ARSG: variants seen among roughly 807,000 people sequenced by gnomAD.
ARSG encodes arylsulfatase G.
Under a neutral mutation model 50.5 loss-of-function variants are expected in ARSG, and 37 were observed. The observed-to-expected ratio is 0.73, with a 90% CI of 0.56 to 0.96. The LOEUF (loss-of-function observed/expected upper bound fraction) is 0.96, where lower values mean the gene tolerates loss of function less well. ARSG is among the 50% of genes least tolerant of loss of function. The pLI is 0.00. For missense variants in ARSG, 629 were observed against 675.3 expected (o/e 0.93, Z 0.76); for synonymous variants, 225 against 254.6 (o/e 0.88, Z 1.11).
At chr17:68,259,670 A>C (rs1208661302) in intron 1 of ARSG, among the ~76,000 whole-genome samples, 1 of 152,198 alleles carries the variant, frequency 6.6e-6, no homozygotes, top group Non-Finnish European at 1.5e-5. Context: ...ATTTCAATCA[A>C]TATCAATGCT....
rs566494078 is a variant in ARSG at position 68,281,245 on chromosome 17, CA to C, written c.-552+21826del. Among the ~76,000 whole-genome samples the C allele has an allele frequency of 6.6e-5, 10 of 151,966 alleles. No individual in the cohort carries two copies. The East Asian group carries it at 1.7e-3, about 26-fold the overall frequency. ...ACAAGGAACTCAAACATCTTAACAG[CA>C]AAAAAACTCCCCAACAATCTGGCTT... On this transcript the variant is annotated intron_variant, in intron 1 of 11. Transcript: ENST00000448504.
At chr17:68,356,523 C>G (rs2079039136) in intron 5 of ARSG, 144 bp from the exon 6 acceptor site, 2 of 885,318 alleles carry the variant, frequency 2.3e-6, no homozygotes, top group Non-Finnish European at 3.5e-6. Flanking sequence ...GACTTTTACA[C>G]TTGGAGGAAA....
chr17:68,368,628 C>T lies in ARSG; in HGVS notation c.785C>T (p.Ala262Val), dbSNP rs138604336. The T allele has an allele frequency of 6.3e-5, 101 of 1,614,198 alleles. No individual in the cohort carries two copies. Among genetic ancestry groups the T allele is most frequent in the Admixed American group, 1.2e-4 (7 of 60,026 alleles). ...VPLPVTQLPA[A>V]PRGRSLYGAG... ...TTACCTGTGACTCAGCTACCAGCAG[C>T]GCCACGGGGCAGAAGCCTGTATGGT... The change falls in exon 7 of 12, where the codon GCG becomes GTG. Residue 262 changes from alanine to valine, a missense_variant. By Grantham distance (64) the Ala-to-Val change is moderately conservative (BLOSUM62 0). Transcript: ENST00000621439.
At chr17:68,326,592 G>C (rs1444883606) in intron 2 of ARSG, among the ~76,000 whole-genome samples, 2 of 152,222 alleles carry the variant, frequency 1.3e-5, no homozygotes, top group African/African-American at 2.4e-5. Context: ...TTGAACCTGG[G>C]AGGCGGAGGT....
At chr17:68,308,125 A>G (rs7211107) in intron 2 of ARSG, among the ~76,000 whole-genome samples, 53,405 of 151,822 alleles carry the variant, frequency 0.35, 10,707 homozygotes, top group African/African-American at 0.55. Context: ...GCAACCTGGC[A>G]AGATCCCACT....
chr17:68,389,972 GCCTT>G (rs1568564044), intron 9 of ARSG, among the ~76,000 whole-genome samples: 1 of 144,014 alleles, frequency 6.9e-6, no homozygotes, highest in African/African-American at 2.8e-5. Context: ...AGCAGGCCAG[GCCTT>G]TCTTTCTTTC....
rs189098234 is a variant in ARSG at position 68,378,561 on chromosome 17, C to T, written c.983-6503C>T. Among the ~76,000 whole-genome samples, 4 of 152,130 alleles carry T rather than the reference C, an allele frequency of 2.6e-5. No homozygotes were observed. The highest frequency in any genetic ancestry group is 1.9e-4 in the East Asian group (1 of 5,144). ...AGAGCAAAGCAGCCCTGCCTTCTCC[C>T]GAAGAAGAAGGGCACGAGTCAGACA... On this transcript the variant is annotated intron_variant, in intron 8 of 11. Coordinates refer to ENST00000621439, the MANE Select transcript of ARSG (RefSeq NM_001267727.2). The surrounding 1 kb of genome is among the most constrained non-coding windows in gnomAD (Gnocchi z 4.4).
the ARSG span, among the ~76,000 whole-genome samples, chr17:68,438,252 G>A: frequency 1.3e-5 from 2 of 152,036 alleles, no homozygotes; most frequent in African/African-American, 4.8e-5. Flanking sequence ...TGGCAGCCCT[G>A]CCACCCCTTT....
intron 1 of ARSG, among the ~76,000 whole-genome samples, chr17:68,297,119 T>G (rs2076235986): frequency 6.6e-6 from 1 of 152,208 alleles, no homozygotes; most frequent in Admixed American, 6.5e-5. Context: ...TCTTTCTTGC[T>G]TGAGCACCTA....
At chr17:68,439,612 A>G in the ARSG span, among the ~76,000 whole-genome samples, 563 of 152,304 alleles carry the variant, frequency 3.7e-3, 6 homozygotes, top group African/African-American at 0.013. Context: ...AAACGGGTGA[A>G]TTGTATAGGA....
At chr17:68,319,141 G>C (rs2077182947) in intron 2 of ARSG, among the ~76,000 whole-genome samples, 1 of 152,152 alleles carries the variant, frequency 6.6e-6, no homozygotes, top group Non-Finnish European at 1.5e-5. Flanking sequence ...CCAATATTAG[G>C]GAGAGCAGGC....
intron 1 of ARSG, among the ~76,000 whole-genome samples, chr17:68,305,674 C>T (rs1226555203): frequency 2.6e-5 from 4 of 152,148 alleles, no homozygotes; most frequent in Admixed American, 2.6e-4. Flanking sequence ...AAACATACAG[C>T]AAAATTAAAA....
rs577872893 is a variant in ARSG at position 68,338,357 on chromosome 17, C to T, written c.219-5247C>T. Among the ~76,000 whole-genome samples, 15 of 152,280 alleles carry T rather than the reference C, an allele frequency of 9.9e-5. No individual in the cohort carries two copies. The South Asian group carries it at 1.0e-3, about 11-fold the overall frequency. On this transcript the variant is annotated intron_variant, in intron 2 of 11. Coordinates refer to ENST00000621439, the MANE Select transcript of ARSG (RefSeq NM_001267727.2). ...GGGGGACTGGGCACATTTTCCTCTC[C>T]GCTTTAAAACTTCACTTTATCTCAG... is the stretch of plus-strand genomic sequence containing the variant.
downstream of ARSG, chr17:68,427,536 T>TTA: frequency 4.1e-6 from 1 of 241,408 alleles, no homozygotes; most frequent in Non-Finnish European, 8.2e-6. Flanking sequence ...TTTGTATTTT[T>TTA]AGTAGAGACT....
intron 2 of ARSG, among the ~76,000 whole-genome samples, chr17:68,308,664 C>T (rs534459813): frequency 3.2e-4 from 48 of 152,278 alleles, no homozygotes; most frequent in Admixed American, 4.6e-4. Flanking sequence ...CTTTTATTCT[C>T]TTATCTGGCC....
intron 11 of ARSG, among the ~76,000 whole-genome samples, chr17:68,401,705 C>G (rs911026427): frequency 7.9e-5 from 12 of 152,208 alleles, no homozygotes; most frequent in Non-Finnish European, 1.5e-4. Context: ...TTATTCAGCT[C>G]CTTTTCACAT....
chr17:68,444,487 G>A, the ARSG span: 1 of 1,610,030 alleles, frequency 6.2e-7, no homozygotes, highest in Non-Finnish European at 8.5e-7. Flanking sequence ...CATTTTTGGA[G>A]CTCACCTGTT....
intron 2 of ARSG, among the ~76,000 whole-genome samples, chr17:68,342,452 G>C (rs1268548191): frequency 6.7e-6 from 1 of 149,194 alleles, no homozygotes; most frequent in Non-Finnish European, 1.5e-5. Flanking sequence ...CTCCTGGGTT[G>C]AAGCGATTCT....
intron 8 of ARSG, among the ~76,000 whole-genome samples, chr17:68,373,735 C>A (rs75665294): frequency 0.019 from 2,898 of 152,054 alleles, 79 homozygotes; most frequent in African/African-American, 0.063. Context: ...CTCTCTCTCT[C>A]TCTATATATA....
Sources: allele counts gnomAD v4.1 joint callset (sites outside exome capture counted in the v4.1 genomes callset), GRCh38; gene constraint gnomAD v4.1.1; non-coding constraint Gnocchi (gnomAD v3.1); transcripts MANE v1.5; gene names NCBI Gene and HGNC (gene_info 2026-07-23, HGNC 2026-07-21).